Variants in TRIM44 observed in about 807,000 individuals in gnomAD.
The protein encoded by TRIM44 is tripartite motif containing 44.
Under a neutral mutation model 37.4 loss-of-function variants are expected in TRIM44, and 13 were observed. That is an observed-to-expected ratio of 0.35 (90% CI 0.23 to 0.55). The LOEUF (loss-of-function observed/expected upper bound fraction) is 0.55, where lower values mean the gene tolerates loss of function less well. Ranked by LOEUF, TRIM44 falls within the 20% of genes least tolerant of loss-of-function variation. The pLI is 0.89. For synonymous variants in TRIM44, 175 were observed against 157.2 expected (o/e 1.11, Z -0.85); for missense variants, 426 against 437.2 (o/e 0.97, Z 0.23).
intron 2 of TRIM44, among the ~76,000 whole-genome samples, chr11:35,707,162 A>G (rs1182509865): frequency 2.0e-5 from 3 of 152,210 alleles, no homozygotes; most frequent in Non-Finnish European, 4.4e-5. Flanking sequence ...TCCCATTCAC[A>G]ATTGCTTCAA....
chr11:35,678,183 G>A (rs1431974277), intron 1 of TRIM44, among the ~76,000 whole-genome samples: 1 of 152,184 alleles, frequency 6.6e-6, no homozygotes, highest in Non-Finnish European at 1.5e-5. Context: ...TTAAGCAAGG[G>A]AGTAAATGAT....
At chr11:35,789,188 G>A (rs1853168944) in intron 4 of TRIM44, among the ~76,000 whole-genome samples, 1 of 152,152 alleles carries the variant, frequency 6.6e-6, no homozygotes, top group African/African-American at 2.4e-5. Flanking sequence ...AGTAGTGAGT[G>A]GGTGAGTGGC....
intron 2 of TRIM44, among the ~76,000 whole-genome samples, chr11:35,723,016 C>T (rs1430320250): frequency 6.6e-6 from 1 of 151,640 alleles, no homozygotes; most frequent in Non-Finnish European, 1.5e-5. Flanking sequence ...TCTCTCTCTA[C>T]CTCCCTCCTT....
chr11:35,739,745 A>G (rs1398714522), intron 4 of TRIM44, among the ~76,000 whole-genome samples: 1 of 152,134 alleles, frequency 6.6e-6, no homozygotes, highest in African/African-American at 2.4e-5. Context: ...GATCCATGAT[A>G]CACAGTCATA....
At chr11:35,667,999 A>G (rs1028638423) in intron 1 of TRIM44, among the ~76,000 whole-genome samples, 4 of 152,108 alleles carry the variant, frequency 2.6e-5, no homozygotes, top group Admixed American at 6.5e-5. Flanking sequence ...TGTTTCTTAT[A>G]TATTCTTTCT....
intron 4 of TRIM44, among the ~76,000 whole-genome samples, chr11:35,799,699 A>G (rs1472188108): frequency 1.3e-5 from 2 of 152,054 alleles, no homozygotes; most frequent in Non-Finnish European, 2.9e-5. Context: ...TCTGGGCCTC[A>G]TTTTTCTCAT....
intron 2 of TRIM44, among the ~76,000 whole-genome samples, chr11:35,720,136 C>T (rs1213215798): frequency 6.6e-6 from 1 of 152,192 alleles, no homozygotes; most frequent in Non-Finnish European, 1.5e-5. Flanking sequence ...GAAGACCTGA[C>T]ATCTTGACAA....
chr11:35,667,227 A>G (rs1045981572), intron 1 of TRIM44, among the ~76,000 whole-genome samples: 6 of 152,172 alleles, frequency 3.9e-5, no homozygotes, highest in African/African-American at 1.4e-4. Context: ...TGGGATGATC[A>G]TGTGATTTTC....
intron 1 of TRIM44, among the ~76,000 whole-genome samples, chr11:35,682,196 C>T (rs1851527965): frequency 1.3e-5 from 2 of 152,042 alleles, no homozygotes; most frequent in Non-Finnish European, 2.9e-5. Context: ...GGTAAAATGT[C>T]CTGAGCTTGC....
chr11:35,812,488 A>C lies in TRIM44; in HGVS notation c.*6103A>C, dbSNP rs531170415. On this transcript the variant is annotated 3_prime_UTR_variant, in exon 5 of 5. Transcript: ENST00000299413. ...GTACTCTCCTGTTGTTTTTCACATTATCATAATAGTAACAGCACCAATACT... is the reference window on the plus strand; with the variant it reads ...GTACTCTCCTGTTGTTTTTCACATTCTCATAATAGTAACAGCACCAATACT... 2.6e-5 allele frequency: 4 copies of C among 152,254 alleles called. No individual in the cohort carries two copies. Among genetic ancestry groups the C allele is most frequent in the South Asian group, 4.1e-4 (2 of 4,820 alleles). The allele number at this position is 152,254 out of a possible 1,614,324, so 9.4% of individuals were successfully genotyped here.
chr11:35,766,449 A>G (rs1852799934), intron 4 of TRIM44, among the ~76,000 whole-genome samples: 1 of 152,232 alleles, frequency 6.6e-6, no homozygotes, highest in Non-Finnish European at 1.5e-5. Context: ...TTATTTCCCT[A>G]GAGAGACAAA....
At chr11:35,792,424 G>A (rs1000437282) in intron 4 of TRIM44, among the ~76,000 whole-genome samples, 2 of 152,250 alleles carry the variant, frequency 1.3e-5, no homozygotes, top group African/African-American at 4.8e-5. Flanking sequence ...TGGATGGTAA[G>A]TAATCCTGGT....
At chr11:35,740,506 T>C (rs7126124) in intron 4 of TRIM44, among the ~76,000 whole-genome samples, 18,621 of 152,154 alleles carry the variant, frequency 0.12, 1,198 homozygotes, top group Non-Finnish European at 0.14. Context: ...CACTTGGAAC[T>C]TCTGTAGAAT....
intron 1 of TRIM44, 67 bp from the exon 2 acceptor site, chr11:35,685,192 A>C (rs1429579590): frequency 2.2e-6 from 3 of 1,346,822 alleles, no homozygotes; most frequent in Non-Finnish European, 3.2e-6. Flanking sequence ...TGTCTTCCAA[A>C]ATGCTGTTTG....
rs192372632 is a variant in TRIM44, at chr11:35,711,491, A to G, written c.748-14433A>G. Reference sequence around the variant, plus strand: ...TTGTTTTTTTTTTTTTCAGTTCCAAAATAGGGAATAATAGTACATATTTCA... The same window carrying G: ...TTGTTTTTTTTTTTTTCAGTTCCAAGATAGGGAATAATAGTACATATTTCA... On this transcript the variant is annotated intron_variant, in intron 2 of 4. Transcript: ENST00000299413. Among the ~76,000 whole-genome samples the G allele has an allele frequency of 1.2e-4, 18 of 151,826 alleles. No individual in the cohort carries two copies. The East Asian group carries it at 2.3e-3, about 20-fold the overall frequency.
At chr11:35,696,306 T>C (rs999832453) in intron 2 of TRIM44, among the ~76,000 whole-genome samples, 1 of 151,740 alleles carries the variant, frequency 6.6e-6, no homozygotes, top group Non-Finnish European at 1.5e-5. Flanking sequence ...CATGCCCAGC[T>C]AATTTTTTTG....
At position 35,775,216 on chromosome 11, in the gene TRIM44, A is replaced by T. The variant is rs1454361861; in HGVS notation, c.1008-31142A>T. Among the ~76,000 whole-genome samples, 3 of 152,066 alleles carry T rather than the reference A, an allele frequency of 2.0e-5. No individual in the cohort carries two copies. The East Asian group carries it at 5.8e-4, about 29-fold the overall frequency. On this transcript the variant is annotated intron_variant, in intron 4 of 4. Transcript: ENST00000299413. ...TGTAAGTTGGATTCCTAGGTATTTTATTCTCTTTGAAGCAATTGTGAATGG... is the reference window on the plus strand; with the variant it reads ...TGTAAGTTGGATTCCTAGGTATTTTTTTCTCTTTGAAGCAATTGTGAATGG...
At chr11:35,670,908 A>G (rs1178799921) in intron 1 of TRIM44, among the ~76,000 whole-genome samples, 1 of 152,202 alleles carries the variant, frequency 6.6e-6, no homozygotes, top group Non-Finnish European at 1.5e-5. Context: ...TTTTGATTCG[A>G]TAAAGATATG....
intron 4 of TRIM44, among the ~76,000 whole-genome samples, chr11:35,795,375 C>G (rs1052796217): frequency 6.6e-6 from 1 of 151,858 alleles, no homozygotes; most frequent in Non-Finnish European, 1.5e-5. Flanking sequence ...GAAGACTAGT[C>G]AAGAAGCAAC....
Sources: allele counts gnomAD v4.1 joint callset (sites outside exome capture counted in the v4.1 genomes callset), GRCh38; gene constraint gnomAD v4.1.1; transcripts MANE v1.5; gene names NCBI Gene and HGNC (gene_info 2026-07-23, HGNC 2026-07-21).